The following ARHGAP24 variants were observed in gnomAD, a reference collection of about 807,000 sequenced individuals.
ARHGAP24 encodes Rho GTPase activating protein 24.
A neutral mutation model predicts 76.4 loss-of-function variants in ARHGAP24; 50 were observed. The ratio of observed to expected loss-of-function variants is 0.65; its 90% CI spans 0.52 to 0.83. The LOEUF (loss-of-function observed/expected upper bound fraction) is 0.83, where lower values mean the gene tolerates loss of function less well. Among genes scored for constraint, ARHGAP24 ranks in the 40% least tolerant of loss-of-function variants. ARHGAP24 has a pLI of 0.00. For synonymous variants in ARHGAP24, 345 were observed against 323.3 expected (o/e 1.07, Z -0.72); for missense variants, 930 against 914.2 (o/e 1.02, Z -0.22).
chr4:85,915,088 G>A (rs1357936947), intron 3 of ARHGAP24, among the ~76,000 whole-genome samples: 2 of 152,154 alleles, frequency 1.3e-5, no homozygotes, highest in Non-Finnish European at 2.9e-5. Context: ...TACTGTGAAG[G>A]AAGTAACTAG....
intron 1 of ARHGAP24, among the ~76,000 whole-genome samples, chr4:85,488,063 C>A (rs1372456652): frequency 6.6e-6 from 1 of 150,556 alleles, no homozygotes; most frequent in South Asian, 2.1e-4. Flanking sequence ...CCGGCCACCA[C>A]GCCCGGCTAA....
rs868112185 is a variant in ARHGAP24 at position 86,001,386 on chromosome 4, A to C, written c.*664A>C. The C allele has an allele frequency of 2.5e-6, 1 of 399,074 alleles. No individual in the cohort carries two copies. The highest frequency in any genetic ancestry group is 4.4e-6 in the Non-Finnish European group (1 of 226,146). The allele number at this position is 399,074 out of a possible 1,614,324, so 24.7% of individuals were successfully genotyped here. On this transcript the variant is annotated 3_prime_UTR_variant, in exon 10 of 10. Transcript: ENST00000395184. ...TTGCTTTTGCGAGGCGATTTGACAT[A>C]GGAACTTTGAGACTCCATGAGAAAG...
intron 2 of ARHGAP24, among the ~76,000 whole-genome samples, chr4:85,612,530 T>G (rs1005081126): frequency 1.3e-5 from 2 of 150,164 alleles, no homozygotes; most frequent in African/African-American, 4.8e-5. Flanking sequence ...TCTTCACCCA[T>G]GAATAAATAA....
chr4:85,889,029 A>T lies in ARHGAP24; in HGVS notation c.269-34619A>T, dbSNP rs965404505. On this transcript the variant is annotated intron_variant, in intron 3 of 9. Transcript: ENST00000395184. ...TTTTCTTTATCTAGTCTATTATTTG[A>T]TGGGCATTTAGCTTGATTCCATGTA... Among the ~76,000 whole-genome samples, 46 of 152,042 alleles carry T rather than the reference A, an allele frequency of 3.0e-4. 1 individual carries two copies. Among genetic ancestry groups the T allele is most frequent in the Admixed American group, 3.0e-3 (46 of 15,256 alleles).
rs567145992 is a variant in ARHGAP24, at chr4:85,901,984, C to A, written c.269-21664C>A. ...ATGCTCTCCCTCCCCTTGCACTCCA[C>A]CCCCCAACAGGCCTTGGTATGTGAT... On this transcript the variant is annotated intron_variant, in intron 3 of 9. Transcript: ENST00000395184. 7.2e-5 allele frequency among the ~76,000 whole-genome samples: 11 copies of A among 152,208 alleles called. No individual in the cohort carries two copies. The South Asian group carries it at 1.7e-3, about 23-fold the overall frequency.
chr4:85,634,737 A>G (rs959474138), intron 2 of ARHGAP24, among the ~76,000 whole-genome samples: 5 of 151,866 alleles, frequency 3.3e-5, no homozygotes, highest in African/African-American at 9.7e-5. Context: ...CCTTTGCCCT[A>G]TGTCTCAGAC....
chr4:85,872,278 T>A (rs561329303), intron 3 of ARHGAP24, among the ~76,000 whole-genome samples: 1 of 151,790 alleles, frequency 6.6e-6, no homozygotes, highest in Non-Finnish European at 1.5e-5. Context: ...GAAATAGAAA[T>A]CACTGAGTTT....
intron 3 of ARHGAP24, among the ~76,000 whole-genome samples, chr4:85,782,121 G>T (rs765231866): frequency 6.6e-6 from 1 of 151,230 alleles, no homozygotes; most frequent in African/African-American, 2.4e-5. Flanking sequence ...CTTCAGTTAG[G>T]TGGCATGACT....
intron 2 of ARHGAP24, among the ~76,000 whole-genome samples, chr4:85,684,509 C>T (rs775921363): frequency 6.6e-6 from 1 of 152,102 alleles, no homozygotes; most frequent in Non-Finnish European, 1.5e-5. Context: ...CTGAATAGCC[C>T]TCTCAGCCTG....
intron 5 of ARHGAP24, among the ~76,000 whole-genome samples, chr4:85,946,938 A>G (rs1204939289): frequency 3.3e-5 from 5 of 152,194 alleles, no homozygotes; most frequent in African/African-American, 7.2e-5. Flanking sequence ...ACTAATTTAC[A>G]TTCCCATTAA....
At chr4:85,832,703 A>G (rs1730058167) in intron 3 of ARHGAP24, among the ~76,000 whole-genome samples, 1 of 152,226 alleles carries the variant, frequency 6.6e-6, no homozygotes, top group Non-Finnish European at 1.5e-5. Context: ...CTATGTAGCC[A>G]TTTAGAAAAA....
chr4:85,485,367 A>T (rs1722993164), intron 1 of ARHGAP24, among the ~76,000 whole-genome samples: 1 of 62,868 alleles, frequency 1.6e-5, no homozygotes, highest in African/African-American at 7.3e-5. Context: ...AAAAAAAAAA[A>T]AAAAAAAAAA....
intron 8 of ARHGAP24, among the ~76,000 whole-genome samples, chr4:85,993,929 C>T (rs1729972251): frequency 6.6e-6 from 1 of 152,128 alleles, no homozygotes; most frequent in Non-Finnish European, 1.5e-5. Flanking sequence ...GAGATTTTTG[C>T]TAGTTGCTTA....
chr4:85,802,581 C>T (rs968946763), intron 3 of ARHGAP24, among the ~76,000 whole-genome samples: 1 of 152,192 alleles, frequency 6.6e-6, no homozygotes, highest in South Asian at 2.1e-4. Flanking sequence ...CACCCGAGGT[C>T]GGGAGTTCCA....
intron 2 of ARHGAP24, among the ~76,000 whole-genome samples, chr4:85,720,465 A>C (rs373206105): frequency 2.3e-3 from 355 of 152,282 alleles, no homozygotes; most frequent in African/African-American, 8.0e-3. Flanking sequence ...GAGCTGGGGA[A>C]TACATAATGA....
intron 2 of ARHGAP24, among the ~76,000 whole-genome samples, chr4:85,710,718 A>G (rs948617532): frequency 6.6e-6 from 1 of 152,234 alleles, no homozygotes; most frequent in African/African-American, 2.4e-5. Flanking sequence ...ACAGGTCGAC[A>G]TCACTGATCA....
chr4:85,590,147 AAACT>A (rs1291664631), intron 2 of ARHGAP24, among the ~76,000 whole-genome samples: 5 of 151,764 alleles, frequency 3.3e-5, no homozygotes, highest in African/African-American at 4.8e-5. Flanking sequence ...TGGAATGAGA[AAACT>A]AACTTTCTTT....
At chr4:85,824,441 G>C (rs1232891773) in intron 3 of ARHGAP24, among the ~76,000 whole-genome samples, 1 of 152,148 alleles carries the variant, frequency 6.6e-6, no homozygotes, top group Admixed American at 6.5e-5. Flanking sequence ...AATACTACAA[G>C]GATTTCAGGC....
intron 2 of ARHGAP24, among the ~76,000 whole-genome samples, chr4:85,624,520 T>C (rs1209628248): frequency 6.6e-6 from 1 of 152,208 alleles, no homozygotes; most frequent in Non-Finnish European, 1.5e-5. Context: ...GTATCAATGT[T>C]CATCAAGGAT....
Sources: gnomAD v4.1 joint callset for allele counts (sites outside exome capture counted in the v4.1 genomes callset) on GRCh38, gnomAD v4.1.1 for gene constraint, MANE v1.5 for transcripts, NCBI Gene and HGNC (gene_info 2026-07-23, HGNC 2026-07-21) for gene names.